ARHGAP44: variants seen among roughly 807,000 people sequenced by gnomAD.
ARHGAP44 encodes the protein Rho GTPase activating protein 44.
In ARHGAP44, 43 loss-of-function variants were observed where a neutral mutation model predicts 106.8. The observed-to-expected ratio is 0.40, with a 90% CI of 0.32 to 0.52. The LOEUF (loss-of-function observed/expected upper bound fraction) is 0.52. ARHGAP44 is among the 20% of genes least tolerant of loss of function. The probability of loss-of-function intolerance (pLI) is 0.48; values close to 1 mark genes in which losing one functional copy is unlikely to be tolerated. For missense variants in ARHGAP44, 866 were observed against 1,050.5 expected (o/e 0.82, Z 2.43); for synonymous variants, 439 against 410.3 (o/e 1.07, Z -0.85).
rs1331198278 is a variant in ARHGAP44, at chr17:12,841,639, CAA to C, written c.53+51750_53+51751del. 3.4e-4 allele frequency among the ~76,000 whole-genome samples: 47 copies of C among 137,468 alleles called. 1 individual carries two copies. The highest frequency in any genetic ancestry group is 1.6e-3 in the South Asian group (7 of 4,346). 90.2% of individuals were successfully genotyped at this position (137,468 alleles called of 152,430 possible). On this transcript the variant is annotated intron_variant, in intron 1 of 20. Coordinates refer to ENST00000379672, the MANE Select transcript of ARHGAP44 (RefSeq NM_014859.6). Reference sequence around the variant, plus strand: ...ACACACACACACACACACACACACACAAACAAACAAACAAAAACCACACAACC... The same window carrying C: ...ACACACACACACACACACACACACACACAAACAAACAAAAACCACACAACC...
chr17:12,816,751 A>C (rs2150788596), intron 1 of ARHGAP44, among the ~76,000 whole-genome samples: 1 of 152,312 alleles, frequency 6.6e-6, no homozygotes, highest in South Asian at 2.1e-4. Context: ...AGAGGCTCAA[A>C]ATACATGAAG....
chr17:12,989,998 C>T, intron 20 of ARHGAP44, 34 bp from the exon 21 acceptor site: 1 of 1,589,584 alleles, frequency 6.3e-7, no homozygotes. Flanking sequence ...CGGGAAGCCT[C>T]CTTTCAACCA....
At chr17:12,854,333 G>A (rs1048457598) in intron 1 of ARHGAP44, among the ~76,000 whole-genome samples, 24 of 152,168 alleles carry the variant, frequency 1.6e-4, no homozygotes, top group African/African-American at 4.3e-4. Context: ...TCCCCAAAGC[G>A]TACCATACCC....
At chr17:12,938,422 G>A (rs2038609138) in intron 7 of ARHGAP44, among the ~76,000 whole-genome samples, 1 of 151,738 alleles carries the variant, frequency 6.6e-6, no homozygotes. Context: ...TAAAACTTAG[G>A]AACTATTTCA....
At position 12,949,142 on chromosome 17, in the gene ARHGAP44, A is replaced by G. The variant is rs2072254; in HGVS notation, c.864A>G (p.Gly288=). The part of the protein sequence containing the change: ...MLLECGMQEE[G]LFRVAPSASK... ...CTGACCCTCTGTCCTGTTGGTAGGG[A>G]CTCTTCCGAGTAGCCCCCTCTGCCT... Residue 288 remains glycine (G), a splice_region_variant and synonymous_variant, in exon 11 of 21, where the codon GGA becomes GGG. Coordinates refer to ENST00000379672, the MANE Select transcript of ARHGAP44 (RefSeq NM_014859.6). This position sits in a 1 kb window ranked among gnomAD's most constrained non-coding sequence, Gnocchi z 4.1. 0.091 allele frequency: 143,043 copies of G among 1,564,524 alleles called. 7,279 individuals carry two copies. Among genetic ancestry groups the G allele is most frequent in the East Asian group, 0.18 (7,700 of 41,786 alleles).
At chr17:12,839,449 A>G (rs1162747009) in intron 1 of ARHGAP44, among the ~76,000 whole-genome samples, 1 of 152,226 alleles carries the variant, frequency 6.6e-6, no homozygotes. Flanking sequence ...TTCTTGAATT[A>G]CTACAAACGG....
Position 12,789,881 on chromosome 17 carries a change from A to G in ARHGAP44, c.43A>G (p.Thr15Ala). The G allele has an allele frequency of 6.6e-7, 1 of 1,521,578 alleles. No individual in the cohort carries two copies. The highest frequency in any genetic ancestry group is 8.8e-7 in the Non-Finnish European group (1 of 1,137,856). The allele number at this position is 1,521,578 out of a possible 1,614,324, so 94.3% of individuals were successfully genotyped here. ...TCGCATGCGCCAGCTGGCCAACCAGACGGTGGGCAGGTAGGTCACCCGCGG... is the reference window on the plus strand; with the variant it reads ...TCGCATGCGCCAGCTGGCCAACCAGGCGGTGGGCAGGTAGGTCACCCGCGG... Reference protein sequence around the residue: ...FNRMRQLANQTVGRAEKTEVL... With the variant: ...FNRMRQLANQAVGRAEKTEVL... The change falls in exon 1 of 21, where the codon ACG (threonine) becomes GCG (alanine). Residue 15 changes from threonine to alanine, a missense_variant. Thr to Ala is a moderately conservative substitution (Grantham distance 58). This residue lies in a region of ARHGAP44 where 448 missense variants were observed against 646.9 expected (regional missense o/e 0.69). Transcript: ENST00000379672.
At chr17:12,857,372 AT>A (rs2035942453) in intron 1 of ARHGAP44, among the ~76,000 whole-genome samples, 1 of 152,228 alleles carries the variant, frequency 6.6e-6, no homozygotes, top group African/African-American at 2.4e-5. Flanking sequence ...TGGAACTAGC[AT>A]CTGGTGAGGC....
intron 18 of ARHGAP44, among the ~76,000 whole-genome samples, chr17:12,978,871 T>C (rs1256336812): frequency 6.6e-6 from 1 of 152,096 alleles, no homozygotes; most frequent in African/African-American, 2.4e-5. Flanking sequence ...GCATTTTTAG[T>C]GTAGACAGGG....
chr17:12,844,541 C>G (rs11871648), intron 1 of ARHGAP44, among the ~76,000 whole-genome samples: 10,071 of 152,226 alleles, frequency 0.066, 571 homozygotes, highest in African/African-American at 0.15. Context: ...CTATGGGGGA[C>G]ACATTCAAAT....
intron 17 of ARHGAP44, chr17:12,973,768 C>G: frequency 1.9e-6 from 1 of 522,784 alleles, no homozygotes; most frequent in Non-Finnish European, 3.4e-6. Context: ...AGGGAGCTTG[C>G]CGGGCCATCA....
intron 1 of ARHGAP44, among the ~76,000 whole-genome samples, chr17:12,824,427 G>GTCTA (rs1440105363): frequency 1.3e-5 from 2 of 152,076 alleles, no homozygotes; most frequent in African/African-American, 4.8e-5. Context: ...TAGGGGCTGG[G>GTCTA]TCTAGGGTGT....
At chr17:12,965,965 C>T (rs111318762) in intron 16 of ARHGAP44, among the ~76,000 whole-genome samples, 15,257 of 152,056 alleles carry the variant, frequency 0.1, 889 homozygotes, top group South Asian at 0.2. Flanking sequence ...CCAATCTGAG[C>T]AACCCAGTGA....
At chr17:12,948,624 C>T (rs1374879981) in intron 10 of ARHGAP44, among the ~76,000 whole-genome samples, 6 of 151,972 alleles carry the variant, frequency 3.9e-5, no homozygotes, top group African/African-American at 1.2e-4. Flanking sequence ...GAGTCAAGAT[C>T]GGGCCGCTGC....
chr17:12,958,749 A>G lies in ARHGAP44; in HGVS notation c.1375A>G (p.Ser459Gly). The G allele has an allele frequency of 6.2e-7, 1 of 1,613,944 alleles. No individual in the cohort carries two copies. Among genetic ancestry groups the G allele is most frequent in the Non-Finnish European group, 8.5e-7 (1 of 1,179,878 alleles). The part of the protein sequence containing the change: ...IEFNITGNYG[S>G]PVHVNHNANY... ...GTTCAACATTACTGGCAATTATGGG[A>G]GTCCAGTACACGTGAACCATAATGC... Residue 459 changes from serine to glycine, a missense_variant, in exon 16 of 21, where the codon AGT (serine) becomes GGT (glycine). Ser to Gly is a moderately conservative substitution (Grantham distance 56). Coordinates refer to ENST00000379672, the MANE Select transcript of ARHGAP44 (RefSeq NM_014859.6). This position sits in a 1 kb window ranked among gnomAD's most constrained non-coding sequence, Gnocchi z 4.1.
chr17:12,949,517 G>A lies in ARHGAP44; in HGVS notation c.974-132G>A, dbSNP rs1187123790. The A allele has an allele frequency of 4.9e-6, 4 of 819,338 alleles. No homozygotes were observed. The highest frequency in any genetic ancestry group is 7.7e-6 in the Non-Finnish European group (4 of 516,564). The allele number at this position is 819,338 out of a possible 1,614,324, so 50.8% of individuals were successfully genotyped here. Reference sequence around the variant, plus strand: ...AGCCTCATACCCATTTCCATAGGAAGCTACCATTTGCTGTTGACATGGTGG... The same window carrying A: ...AGCCTCATACCCATTTCCATAGGAAACTACCATTTGCTGTTGACATGGTGG... On this transcript the variant is annotated intron_variant, in intron 11 of 20. Transcript: ENST00000379672. This position sits in a 1 kb window ranked among gnomAD's most constrained non-coding sequence, Gnocchi z 4.1.
chr17:12,873,278 C>G (rs2036454267), intron 1 of ARHGAP44, among the ~76,000 whole-genome samples: 1 of 152,192 alleles, frequency 6.6e-6, no homozygotes, highest in Admixed American at 6.5e-5. Flanking sequence ...AGACTTTTCC[C>G]ATGTCTCTAT....
intron 1 of ARHGAP44, among the ~76,000 whole-genome samples, chr17:12,830,408 G>A (rs564781470): frequency 6.6e-6 from 1 of 152,148 alleles, no homozygotes; most frequent in South Asian, 2.1e-4. Flanking sequence ...AGTAAGATGT[G>A]GCTGGGAGGA....
chr17:12,919,292 A>T (rs1258220780), intron 5 of ARHGAP44, among the ~76,000 whole-genome samples: 1 of 152,214 alleles, frequency 6.6e-6, no homozygotes, highest in Non-Finnish European at 1.5e-5. Flanking sequence ...TCAGTAACAC[A>T]AAAGGGAAAA....
Sources: allele counts gnomAD v4.1 joint callset (sites outside exome capture counted in the v4.1 genomes callset), GRCh38; gene constraint gnomAD v4.1.1; regional missense constraint gnomAD v4.1.1; non-coding constraint Gnocchi (gnomAD v3.1); transcripts MANE v1.5; gene names NCBI Gene and HGNC (gene_info 2026-07-23, HGNC 2026-07-21).